The following MEMO1 variants were observed in gnomAD, a reference collection of about 807,000 sequenced individuals.
MEMO1 encodes the protein mediator of cell motility 1.
Under a neutral mutation model 45.2 loss-of-function variants are expected in MEMO1, and 6 were observed. That is an observed-to-expected ratio of 0.13 (90% CI 0.07 to 0.26). The LOEUF (loss-of-function observed/expected upper bound fraction) is 0.26, where lower values mean the gene tolerates loss of function less well. Among genes scored for constraint, MEMO1 ranks in the 10% least tolerant of loss-of-function variants. MEMO1 has a pLI of 1.00. For synonymous variants in MEMO1, 78 were observed against 124.3 expected, an observed-to-expected ratio of 0.63 and a Z score of 2.48; for missense variants, 184 against 370.5, an observed-to-expected ratio of 0.50 and a Z score of 4.13.
At chr2:31,934,111 T>C (rs2148269343) in intron 3 of MEMO1, among the ~76,000 whole-genome samples, 1 of 152,228 alleles carries the variant, frequency 6.6e-6, no homozygotes, top group East Asian at 1.9e-4. Flanking sequence ...CAGCTCTATC[T>C]CAAACCTTAG....
chr2:31,965,461 G>A (rs766168433), intron 2 of MEMO1, among the ~76,000 whole-genome samples: 3 of 151,920 alleles, frequency 2.0e-5, no homozygotes, highest in Non-Finnish European at 4.4e-5. Flanking sequence ...GTAAATGAGG[G>A]TTCATTACAG....
chr2:31,873,151 A>G (rs1055500799), intron 8 of MEMO1, among the ~76,000 whole-genome samples: 2 of 152,192 alleles, frequency 1.3e-5, no homozygotes, highest in African/African-American at 2.4e-5. Context: ...CAGTAAGTCT[A>G]AAGTCCAGGC....
At chr2:31,893,184 C>A (rs1677212338) in intron 6 of MEMO1, 1 of 223,196 alleles carries the variant, frequency 4.5e-6, no homozygotes, top group South Asian at 7.7e-5. Flanking sequence ...AATGTTAGCC[C>A]AGCTGCATAA....
chr2:31,944,432 T>C (rs1665965577), intron 2 of MEMO1, among the ~76,000 whole-genome samples: 1 of 152,210 alleles, frequency 6.6e-6, no homozygotes, highest in South Asian at 2.1e-4. Flanking sequence ...GTTTTAGCAC[T>C]GGAAGTGCTG....
At chr2:31,933,374 TATATATATAG>T (rs1299260274) in intron 3 of MEMO1, among the ~76,000 whole-genome samples, 1 of 89,440 alleles carries the variant, frequency 1.1e-5, no homozygotes, top group Non-Finnish European at 2.1e-5. Context: ...TATATATATA[TATATATATAG>T]AAAGGGGAAG....
intron 2 of MEMO1, among the ~76,000 whole-genome samples, chr2:31,962,582 A>G (rs1668131366): frequency 6.6e-6 from 1 of 152,244 alleles, no homozygotes; most frequent in Non-Finnish European, 1.5e-5. Flanking sequence ...GAGAAAAGGC[A>G]TCTAAAAATT....
intron 2 of MEMO1, among the ~76,000 whole-genome samples, chr2:31,961,655 A>G (rs898539188): frequency 6.6e-6 from 1 of 151,870 alleles, no homozygotes; most frequent in African/African-American, 2.4e-5. Flanking sequence ...ACACACACCT[A>G]TAGCCCCAGC....
intron 6 of MEMO1, among the ~76,000 whole-genome samples, chr2:31,917,471 A>T (rs1246631688): frequency 6.6e-6 from 1 of 152,198 alleles, no homozygotes; most frequent in African/African-American, 2.4e-5. Flanking sequence ...TTTAGCAGGT[A>T]CCACGTAACA....
intron 6 of MEMO1, among the ~76,000 whole-genome samples, chr2:31,904,567 G>C (rs1679389965): frequency 6.6e-6 from 1 of 152,198 alleles, no homozygotes; most frequent in Non-Finnish European, 1.5e-5. Flanking sequence ...CACATGTGCA[G>C]TTCACAATAG....
intron 2 of MEMO1, among the ~76,000 whole-genome samples, chr2:31,987,025 A>G (rs1302652310): frequency 6.6e-6 from 1 of 152,178 alleles, no homozygotes; most frequent in Non-Finnish European, 1.5e-5. Flanking sequence ...TTTGTTTGAG[A>G]TGTGTTCTCA....
chr2:31,952,536 G>GT (rs1666956463), intron 2 of MEMO1, among the ~76,000 whole-genome samples: 1 of 152,038 alleles, frequency 6.6e-6, no homozygotes, highest in African/African-American at 2.4e-5. Flanking sequence ...TCTGAAAATG[G>GT]GTTTAGCACT....
intron 8 of MEMO1, among the ~76,000 whole-genome samples, chr2:31,877,400 G>A (rs72796812): frequency 6.6e-6 from 1 of 152,164 alleles, no homozygotes; most frequent in Admixed American, 6.5e-5. Flanking sequence ...GGATTCCAGG[G>A]ATGCTGACAC....
chr2:31,968,281 A>C (rs1466090241), intron 2 of MEMO1, among the ~76,000 whole-genome samples: 1 of 152,200 alleles, frequency 6.6e-6, no homozygotes, highest in East Asian at 1.9e-4. Flanking sequence ...GAAATACGGG[A>C]ATAGGATGCA....
intron 2 of MEMO1, among the ~76,000 whole-genome samples, chr2:31,947,499 C>A (rs1191671882): frequency 6.6e-6 from 1 of 152,136 alleles, no homozygotes; most frequent in Non-Finnish European, 1.5e-5. Flanking sequence ...GAAATACGTG[C>A]TTTGATTTTC....
intron 6 of MEMO1, among the ~76,000 whole-genome samples, chr2:31,907,218 C>T (rs1458552990): frequency 1.3e-5 from 2 of 152,128 alleles, no homozygotes; most frequent in Non-Finnish European, 2.9e-5. Context: ...TACCTCTTTC[C>T]TCCCAAATCC....
At chr2:31,950,252 G>A (rs1666682548) in intron 2 of MEMO1, among the ~76,000 whole-genome samples, 1 of 151,818 alleles carries the variant, frequency 6.6e-6, no homozygotes, top group Non-Finnish European at 1.5e-5. Context: ...ATGATGACAG[G>A]TGCCTGTAAT....
chr2:32,006,743 G>T (rs1009487722), intron 2 of MEMO1, among the ~76,000 whole-genome samples: 1 of 152,092 alleles, frequency 6.6e-6, no homozygotes, highest in African/African-American at 2.4e-5. Flanking sequence ...GAGGCAGGCA[G>T]ATCACGAGGT....
At chr2:31,948,365 T>C (rs1233045457) in intron 2 of MEMO1, among the ~76,000 whole-genome samples, 1 of 152,214 alleles carries the variant, frequency 6.6e-6, no homozygotes, top group Non-Finnish European at 1.5e-5. Context: ...AATACCTGCC[T>C]ATTAGCACAA....
intron 6 of MEMO1, among the ~76,000 whole-genome samples, chr2:31,897,375 T>C (rs541297109): frequency 1.3e-5 from 2 of 152,352 alleles, no homozygotes; most frequent in South Asian, 4.1e-4. Flanking sequence ...GCTCTTATTA[T>C]TATGAGATAC....
Sources: allele counts gnomAD v4.1 joint callset (sites outside exome capture counted in the v4.1 genomes callset), GRCh38; gene constraint gnomAD v4.1.1; transcripts MANE v1.5; gene names NCBI Gene and HGNC (gene_info 2026-07-23, HGNC 2026-07-21).